The following KCNQ1 variants were observed in gnomAD, a reference collection of about 807,000 sequenced individuals.
KCNQ1 encodes potassium voltage-gated channel subfamily Q member 1.
KCNQ1 carries 49 observed loss-of-function variants against 72.4 expected under a neutral mutation model. That is an observed-to-expected ratio of 0.68 (90% CI 0.54 to 0.86). The LOEUF is 0.86. Ranked by LOEUF, KCNQ1 falls within the 40% of genes least tolerant of loss-of-function variation. KCNQ1 has a pLI of 0.00. For missense variants in KCNQ1, 790 were observed against 945.1 expected, an observed-to-expected ratio of 0.84 and a Z score of 2.15; for synonymous variants, 450 against 412.6, an observed-to-expected ratio of 1.09 and a Z score of -1.10.
rs2283169 is a variant in KCNQ1, at chr11:2,559,069, T to C, written c.478-11559T>C. 0.41 allele frequency among the ~76,000 whole-genome samples: 62,588 copies of C among 151,566 alleles called. 15,700 individuals are homozygous for C. The highest frequency in any genetic ancestry group is 0.68 in the African/African-American group (28,325 of 41,368). On this transcript the variant is annotated intron_variant, in intron 2 of 15. Coordinates refer to ENST00000155840, the MANE Select transcript of KCNQ1 (RefSeq NM_000218.3). The surrounding 1 kb of genome is among the most constrained non-coding windows in gnomAD (Gnocchi z 4.9). ...CCAGAGCTACGGACAAGGGGCAAGG[T>C]GGGGCTGGAGGCACCGGCTCAGCAA...
At chr11:2,520,490 CTGACAGCCACTGGTGAGGGGGG>C (rs931776444) in intron 1 of KCNQ1, among the ~76,000 whole-genome samples, 33 of 152,282 alleles carry the variant, frequency 2.2e-4, no homozygotes, top group African/African-American at 6.0e-4. Flanking sequence ...AGGCTGCCTG[CTGACAGCCACTGGTGAGGGGGG>C]TGACAGCCAC....
In KCNQ1 at chr11:2,768,922, A is replaced by G. The variant is rs1159351280; in HGVS notation, c.1590+3A>G. ...TTGTGGCCAAGAAGAAATTCCAGGT[A>G]AGCCCTGTGCTGAGCCTTCCTGCCC... On this transcript the variant is annotated splice_donor_region_variant and intron_variant, in intron 12 of 15. Transcript: ENST00000155840. The surrounding 1 kb of genome is among the most constrained non-coding windows in gnomAD (Gnocchi z 6.7). 1 of 1,612,698 alleles carries G rather than the reference A, an allele frequency of 6.2e-7. No individual in the cohort carries two copies. Among genetic ancestry groups the G allele is most frequent in the Non-Finnish European group, 8.5e-7 (1 of 1,179,000 alleles).
chr11:2,781,488 G>A lies in KCNQ1; in HGVS notation c.1794+3451G>A, dbSNP rs1846821864. On this transcript the variant is annotated intron_variant, in intron 15 of 15. Transcript: ENST00000155840. The surrounding 1 kb of genome is among the most constrained non-coding windows in gnomAD (Gnocchi z 6.6). ...GCCAGGGACCAATGCAGGCGGTCGGGAGAGGTCCGGAGAGAGCTGGCCCTG... is the reference window on the plus strand; with the variant it reads ...GCCAGGGACCAATGCAGGCGGTCGGAAGAGGTCCGGAGAGAGCTGGCCCTG... Among the ~76,000 whole-genome samples the A allele has an allele frequency of 6.6e-6, 1 of 152,226 alleles. No homozygotes were observed. The highest frequency in any genetic ancestry group is 2.1e-4 in the South Asian group (1 of 4,834).
intron 1 of KCNQ1, among the ~76,000 whole-genome samples, chr11:2,453,312 G>A (rs1049617101): frequency 2.0e-5 from 3 of 152,188 alleles, no homozygotes; most frequent in Non-Finnish European, 2.9e-5. Flanking sequence ...GGTGGAGGTT[G>A]CAGTGAGCCG....
chr11:2,717,819 C>T (rs1386392139), intron 11 of KCNQ1, among the ~76,000 whole-genome samples: 1 of 152,188 alleles, frequency 6.6e-6, no homozygotes, highest in Non-Finnish European at 1.5e-5. Context: ...GGAGCACACG[C>T]CTGTCCAAGA....
chr11:2,461,589 T>A, intron 1 of KCNQ1: 1 of 1,358,218 alleles, frequency 7.4e-7, no homozygotes, highest in Non-Finnish European at 9.8e-7. Context: ...GCTGCTTTTG[T>A]TTACGTGGCC....
intron 11 of KCNQ1, chr11:2,689,570 A>C (rs568221808): frequency 1.3e-5 from 5 of 398,666 alleles, no homozygotes; most frequent in African/African-American, 4.1e-5. Context: ...TGATGTGGAA[A>C]TCTGTTAGCA....
rs896824204 is a variant in KCNQ1 at position 2,673,283 on chromosome 11, A to G, written c.1514+11202A>G. The G allele has an allele frequency of 3.5e-5, 14 of 398,644 alleles. No homozygotes were observed. The highest frequency in any genetic ancestry group is 2.5e-4 in the African/African-American group (12 of 48,650). 24.7% of individuals were successfully genotyped at this position (398,644 alleles called of 1,614,324 possible). A position where few individuals can be genotyped will look rare whatever the true frequency, so the allele number is the denominator to read the frequency against. On this transcript the variant is annotated intron_variant, in intron 11 of 15. Transcript: ENST00000155840. This position sits in a 1 kb window ranked among gnomAD's most constrained non-coding sequence, Gnocchi z 4.5. ...CAAAGCCTCAGCCACCTTCTCCCCTAGAAGAAATCTTGAGAGAAACAATCC... is the reference window on the plus strand; with the variant it reads ...CAAAGCCTCAGCCACCTTCTCCCCTGGAAGAAATCTTGAGAGAAACAATCC...
intron 11 of KCNQ1, among the ~76,000 whole-genome samples, chr11:2,729,573 A>G (rs549176869): frequency 1.3e-5 from 2 of 152,328 alleles, no homozygotes; most frequent in East Asian, 3.8e-4. Flanking sequence ...AGAAAGTTGC[A>G]TCTGTGCTGA....
intron 10 of KCNQ1, chr11:2,616,377 T>TA: frequency 2.5e-6 from 1 of 398,022 alleles, no homozygotes; most frequent in Non-Finnish European, 4.4e-6. Context: ...GTTGTTTATT[T>TA]AAGCTCGAAT....
At chr11:2,556,471 C>T (rs1055807093) in intron 2 of KCNQ1, among the ~76,000 whole-genome samples, 1 of 152,192 alleles carries the variant, frequency 6.6e-6, no homozygotes, top group African/African-American at 2.4e-5. Flanking sequence ...TTGATTAGCA[C>T]ACGGCCACGT....
rs1341764045 is a variant in KCNQ1, at chr11:2,734,134, G to A, written c.1515-34710G>A. Among the ~76,000 whole-genome samples the A allele has an allele frequency of 6.6e-6, 1 of 152,132 alleles. No individual in the cohort carries two copies. The highest frequency in any genetic ancestry group is 2.4e-5 in the African/African-American group (1 of 41,422). ...GTCTAGCACTGGCAGGGGTGGTCCT[G>A]CTCCGGCCCCAGGGCCCGCAGGTGT... On this transcript the variant is annotated intron_variant, in intron 11 of 15. Coordinates refer to ENST00000155840, the MANE Select transcript of KCNQ1 (RefSeq NM_000218.3). The surrounding 1 kb of genome is among the most constrained non-coding windows in gnomAD (Gnocchi z 7.0).
intron 10 of KCNQ1, among the ~76,000 whole-genome samples, chr11:2,594,636 A>T (rs1344795075): frequency 6.6e-6 from 1 of 151,988 alleles, no homozygotes; most frequent in Non-Finnish European, 1.5e-5. Context: ...GCAGTTTCTA[A>T]CTCTTGAGAT....
In KCNQ1 at chr11:2,690,611, G is replaced by T; in HGVS notation, c.1514+28530G>T. 2.5e-6 allele frequency: 1 copy of T among 398,684 alleles called. No individual in the cohort carries two copies. The highest frequency in any genetic ancestry group is 3.6e-5 in the East Asian group (1 of 28,080). 24.7% of individuals were successfully genotyped at this position (398,684 alleles called of 1,614,324 possible). A position where few individuals can be genotyped will look rare whatever the true frequency, so the allele number is the denominator to read the frequency against. ...CTGGCAGGGAGTGGGGCACACATAT[G>T]TGCATGTTCATATATGTGTCAGAAT... On this transcript the variant is annotated intron_variant, in intron 11 of 15. Coordinates refer to ENST00000155840, the MANE Select transcript of KCNQ1 (RefSeq NM_000218.3). The surrounding 1 kb of genome is among the most constrained non-coding windows in gnomAD (Gnocchi z 5.1).
intron 15 of KCNQ1, among the ~76,000 whole-genome samples, chr11:2,846,207 G>A (rs941048210): frequency 1.4e-4 from 22 of 152,314 alleles, no homozygotes; most frequent in Admixed American, 9.1e-4. Flanking sequence ...CAGGTGGACC[G>A]GGCCAGCTCC....
intron 15 of KCNQ1, among the ~76,000 whole-genome samples, chr11:2,788,548 A>AC (rs1399478193): frequency 2.9e-4 from 22 of 75,790 alleles, no homozygotes; most frequent in African/African-American, 6.7e-4. Flanking sequence ...CCTCTGCACC[A>AC]CCCCCCGCCC....
In KCNQ1 at chr11:2,682,488, G is replaced by A. The variant is rs1359294487; in HGVS notation, c.1514+20407G>A. 7.5e-6 allele frequency: 3 copies of A among 398,026 alleles called. No homozygotes were observed. Among genetic ancestry groups the A allele is most frequent in the Non-Finnish European group, 1.3e-5 (3 of 226,014 alleles). 24.7% of individuals were successfully genotyped at this position (398,026 alleles called of 1,614,324 possible). On this transcript the variant is annotated intron_variant, in intron 11 of 15. Transcript: ENST00000155840. The surrounding 1 kb of genome is among the most constrained non-coding windows in gnomAD (Gnocchi z 5.8). ...GTGAATGTTTGACGAGTGAGTGAGT[G>A]AGTGAGTGAGTGAGTGAGTACTTGT...
At position 2,653,063 on chromosome 11, in the gene KCNQ1, A is replaced by G. The variant is rs963447160; in HGVS notation, c.1394-8898A>G. 2.5e-6 allele frequency: 1 copy of G among 398,564 alleles called. No individual in the cohort carries two copies. The highest frequency in any genetic ancestry group is 4.4e-6 in the Non-Finnish European group (1 of 226,098). The allele number at this position is 398,564 out of a possible 1,614,324, so 24.7% of individuals were successfully genotyped here. A position where few individuals can be genotyped will look rare whatever the true frequency, so the allele number is the denominator to read the frequency against. ...AGATCCAACATGTTCCATAATTTGC[A>G]TCAAACATCCTCATACAGCAGGGTG... On this transcript the variant is annotated intron_variant, in intron 10 of 15. Transcript: ENST00000155840. The surrounding 1 kb of genome is among the most constrained non-coding windows in gnomAD (Gnocchi z 5.3).
chr11:2,737,100 G>C (rs566601912), intron 11 of KCNQ1, among the ~76,000 whole-genome samples: 3 of 152,358 alleles, frequency 2.0e-5, no homozygotes, highest in Non-Finnish European at 4.4e-5. Flanking sequence ...CAGCGGGAAG[G>C]GGCAGCCTTC....
Sources: gnomAD v4.1 joint callset for allele counts (sites outside exome capture counted in the v4.1 genomes callset) on GRCh38, gnomAD v4.1.1 for gene constraint, Gnocchi (gnomAD v3.1) non-coding constraint, MANE v1.5 for transcripts, NCBI Gene and HGNC (gene_info 2026-07-23, HGNC 2026-07-21) for gene names.